The following LIN28B variants were observed in gnomAD, a reference collection of about 807,000 sequenced individuals.
LIN28B encodes lin-28 RNA binding posttranscriptional regulator B.
LIN28B carries 5 observed loss-of-function variants against 21.9 expected under a neutral mutation model. That is an observed-to-expected ratio of 0.23 (90% CI 0.12 to 0.48). The LOEUF (loss-of-function observed/expected upper bound fraction) is 0.48. Among genes scored for constraint, LIN28B ranks in the 20% least tolerant of loss-of-function variants. The pLI, the probability that LIN28B is intolerant of heterozygous loss-of-function variation, is 0.98. For missense variants in LIN28B, 245 were observed against 310.5 expected (o/e 0.79, Z 1.58); for synonymous variants, 109 against 111.3 (o/e 0.98, Z 0.13).
intron 2 of LIN28B, among the ~76,000 whole-genome samples, chr6:104,993,557 T>TG (rs1255775198): frequency 6.6e-6 from 1 of 152,032 alleles, no homozygotes; most frequent in Non-Finnish European, 1.5e-5. Context: ...GAGCTTTGGC[T>TG]GGGGGCGGTG....
At chr6:104,946,392 T>G (rs906206762) in intron 2 of LIN28B, among the ~76,000 whole-genome samples, 5 of 152,130 alleles carry the variant, frequency 3.3e-5, no homozygotes, top group Non-Finnish European at 7.4e-5. Context: ...TTATCCTGAT[T>G]TTACTGAGGC....
intron 2 of LIN28B, among the ~76,000 whole-genome samples, chr6:104,971,203 G>A (rs542131796): frequency 6.6e-6 from 1 of 152,050 alleles, no homozygotes; most frequent in African/African-American, 2.4e-5. Context: ...GTGCAAATAA[G>A]TACTTTTAAA....
chr6:105,028,006 T>C (rs1771322589), intron 3 of LIN28B, among the ~76,000 whole-genome samples: 1 of 152,226 alleles, frequency 6.6e-6, no homozygotes, highest in African/African-American at 2.4e-5. Flanking sequence ...AGTTTAATGA[T>C]ACACTTAGCT....
intron 2 of LIN28B, among the ~76,000 whole-genome samples, chr6:104,979,145 G>C (rs1044099882): frequency 1.3e-5 from 2 of 151,844 alleles, no homozygotes; most frequent in Admixed American, 6.6e-5. Context: ...TATAAATGTA[G>C]TACATGTGAT....
At chr6:104,943,383 T>C (rs898312554) in intron 2 of LIN28B, among the ~76,000 whole-genome samples, 2 of 152,124 alleles carry the variant, frequency 1.3e-5, no homozygotes, top group Admixed American at 1.3e-4. Context: ...AAATAAAACA[T>C]GTATGAATAA....
intron 2 of LIN28B, among the ~76,000 whole-genome samples, chr6:105,003,273 G>T (rs2114294380): frequency 6.6e-6 from 1 of 152,336 alleles, no homozygotes; most frequent in South Asian, 2.1e-4. Context: ...CCAACGGCAA[G>T]TGAGGGAGTG....
chr6:104,991,413 C>A (rs1429336940), intron 2 of LIN28B, among the ~76,000 whole-genome samples: 1 of 143,744 alleles, frequency 7.0e-6, no homozygotes, highest in Admixed American at 6.9e-5. Context: ...ACATCCCAGA[C>A]GGGGCGGCGG....
intron 2 of LIN28B, among the ~76,000 whole-genome samples, chr6:104,961,214 A>G (rs1258145334): frequency 6.6e-6 from 1 of 152,208 alleles, no homozygotes; most frequent in Non-Finnish European, 1.5e-5. Flanking sequence ...CAAAATATGT[A>G]AGTATTATAT....
chr6:105,073,345 A>G (rs1396398140), intron 3 of LIN28B, among the ~76,000 whole-genome samples: 1 of 152,078 alleles, frequency 6.6e-6, no homozygotes, highest in Non-Finnish European at 1.5e-5. Flanking sequence ...ATTTTTTTCA[A>G]TCTGTGACTT....
chr6:104,955,198 A>G (rs1447019913), upstream of LIN28B, among the ~76,000 whole-genome samples: 2 of 152,250 alleles, frequency 1.3e-5, no homozygotes, highest in Non-Finnish European at 2.9e-5. Context: ...TGTAATCAGT[A>G]TAATAGAAGT....
intron 1 of LIN28B, among the ~76,000 whole-genome samples, 171 bp downstream of exon 1, chr6:104,957,431 T>G (rs940382253): frequency 8.0e-5 from 12 of 149,348 alleles, no homozygotes; most frequent in Non-Finnish European, 1.6e-4. Context: ...CCTATTGTTA[T>G]AGATCTCCAA....
chr6:105,028,351 G>A (rs923493690), intron 3 of LIN28B, among the ~76,000 whole-genome samples: 2 of 152,178 alleles, frequency 1.3e-5, no homozygotes, highest in Non-Finnish European at 2.9e-5. Context: ...TTTACTCAGA[G>A]TATCATTCTG....
intron 2 of LIN28B, among the ~76,000 whole-genome samples, chr6:105,004,073 C>CAGGA (rs1229036794): frequency 2.0e-5 from 3 of 152,266 alleles, no homozygotes; most frequent in Non-Finnish European, 4.4e-5. Flanking sequence ...TGTTCGAAGG[C>CAGGA]AGGAAGCATC....
intron 2 of LIN28B, among the ~76,000 whole-genome samples, chr6:105,013,974 G>T (rs1191603006): frequency 6.6e-6 from 1 of 152,040 alleles, no homozygotes. Flanking sequence ...CTACCTAAGG[G>T]TTTATCAATT....
intron 3 of LIN28B, among the ~76,000 whole-genome samples, chr6:105,056,083 A>G (rs994659730): frequency 1.3e-5 from 2 of 151,512 alleles, no homozygotes; most frequent in African/African-American, 4.8e-5. Flanking sequence ...TTTTTCTACC[A>G]CTATTCCTCA....
chr6:105,034,234 A>G (rs1181060042), intron 3 of LIN28B, among the ~76,000 whole-genome samples: 1 of 151,774 alleles, frequency 6.6e-6, no homozygotes, highest in African/African-American at 2.4e-5. Context: ...AACCTTCCAC[A>G]TATTTTGACC....
chr6:105,058,642 G>A (rs561018639), intron 3 of LIN28B, among the ~76,000 whole-genome samples: 1 of 152,304 alleles, frequency 6.6e-6, no homozygotes, highest in South Asian at 2.1e-4. Flanking sequence ...TTCAAAGGAT[G>A]CTTTAGAATA....
At chr6:104,992,674 T>C (rs1231742627) in intron 2 of LIN28B, among the ~76,000 whole-genome samples, 1 of 152,038 alleles carries the variant, frequency 6.6e-6, no homozygotes, top group Non-Finnish European at 1.5e-5. Context: ...TCTGGATAAT[T>C]AAAAAAATTT....
At chr6:104,975,050 C>G (rs1009949607) in intron 2 of LIN28B, among the ~76,000 whole-genome samples, 1 of 152,030 alleles carries the variant, frequency 6.6e-6, no homozygotes, top group Non-Finnish European at 1.5e-5. Context: ...GAACTCCTGA[C>G]GTCAGGTGAT....
Sources: allele counts gnomAD v4.1 joint callset (sites outside exome capture counted in the v4.1 genomes callset), GRCh38; gene constraint gnomAD v4.1.1; transcripts MANE v1.5; gene names NCBI Gene and HGNC (gene_info 2026-07-23, HGNC 2026-07-21).